The following ARMC3 variants were observed in gnomAD, a reference collection of about 807,000 sequenced individuals.
The protein encoded by ARMC3 is armadillo repeat-containing protein 3.
In ARMC3, 74 loss-of-function variants were observed where a neutral mutation model predicts 90.3. The ratio of observed to expected loss-of-function variants is 0.82; its 90% CI spans 0.68 to 0.99. ARMC3 has a LOEUF of 0.99. Among genes scored for constraint, ARMC3 ranks in the 50% least tolerant of loss-of-function variants. The pLI is 0.00. For missense variants in ARMC3, 958 were observed against 1,042.8 expected, an observed-to-expected ratio of 0.92 and a Z score of 1.12; for synonymous variants, 334 against 361.8, an observed-to-expected ratio of 0.92 and a Z score of 0.87.
Position 23,030,784 on chromosome 10 carries a change from A to T in ARMC3, c.2234A>T (p.Glu745Val). The change falls in exon 17 of 19, where the codon GAG (glutamate) becomes GTG (valine). Residue 745 changes from glutamate to valine, a missense_variant. Glu to Val is a moderately radical substitution (Grantham distance 121). Transcript: ENST00000298032. Reference protein sequence around the residue: ...LPITNIKEQIEDLAKYVAEKM... With the variant: ...LPITNIKEQIVDLAKYVAEKM... The stretch of plus-strand genomic sequence containing the variant: ...ATAACCAATATTAAGGAACAGATTG[A>T]GGATCTGGCAAAGTAAGTTGTCTAT... 6.2e-7 allele frequency: 1 copy of T among 1,613,492 alleles called. No individual in the cohort carries two copies. Among genetic ancestry groups the T allele is most frequent in the Non-Finnish European group, 8.5e-7 (1 of 1,179,632 alleles).
chr10:22,969,205 T>C (rs1252387880), intron 8 of ARMC3, among the ~76,000 whole-genome samples: 1 of 152,180 alleles, frequency 6.6e-6, no homozygotes, highest in Non-Finnish European at 1.5e-5. Flanking sequence ...TCATACTATA[T>C]ACATAATACA....
intron 10 of ARMC3, among the ~76,000 whole-genome samples, chr10:22,993,514 A>G (rs889509513): frequency 1.2e-4 from 18 of 152,186 alleles, no homozygotes; most frequent in African/African-American, 4.3e-4. Flanking sequence ...AAGCTGAGCT[A>G]AGCACTTTCC....
chr10:23,023,537 T>G (rs1838593852), intron 16 of ARMC3, among the ~76,000 whole-genome samples: 1 of 152,168 alleles, frequency 6.6e-6, no homozygotes, highest in Non-Finnish European at 1.5e-5. Context: ...GTTGTTGGAA[T>G]TATCTGACCT....
At chr10:22,995,106 T>A (rs977082693) in intron 10 of ARMC3, among the ~76,000 whole-genome samples, 1 of 152,234 alleles carries the variant, frequency 6.6e-6, no homozygotes, top group African/African-American at 2.4e-5. Context: ...TGCTATACTA[T>A]TTGGGAAACC....
chr10:22,933,518 C>T (rs1293461813), intron 2 of ARMC3, among the ~76,000 whole-genome samples: 2 of 152,134 alleles, frequency 1.3e-5, no homozygotes, highest in African/African-American at 4.8e-5. Flanking sequence ...AATAGAACTC[C>T]TGCTTCCTCA....
At chr10:23,028,347 A>T (rs1445503069) in intron 16 of ARMC3, among the ~76,000 whole-genome samples, 2 of 133,114 alleles carry the variant, frequency 1.5e-5, no homozygotes, top group Non-Finnish European at 3.4e-5. Flanking sequence ...TCTTCTATTT[A>T]TTTCTAAGAT....
In ARMC3 at chr10:22,946,253, C is replaced by T. The variant is rs1225054485; in HGVS notation, c.158C>T (p.Ala53Val). ...GCATGTGAAGCCATTTATAAATTTG[C>T]TTTAAAAGGTTTGGATTTTTTTCAG... The part of the protein sequence containing the change: ...AKACEAIYKF[A>V]LKGEENKTTL... Residue 53 changes from alanine to valine, a missense_variant, in exon 3 of 19, where the codon GCT (alanine) becomes GTT (valine). Coordinates refer to ENST00000298032, the MANE Select transcript of ARMC3 (RefSeq NM_173081.5). The T allele has an allele frequency of 3.8e-6, 6 of 1,598,298 alleles. 1 individual carries two copies. In the South Asian group the frequency reaches 4.5e-5, roughly 12 times the overall value.
chr10:22,938,993 T>C (rs1052090166), intron 2 of ARMC3, among the ~76,000 whole-genome samples: 1 of 152,206 alleles, frequency 6.6e-6, no homozygotes, highest in African/African-American at 2.4e-5. Flanking sequence ...TGTGACATGG[T>C]GCTCCCAGAT....
chr10:22,981,882 A>G (rs1836208438), intron 10 of ARMC3, among the ~76,000 whole-genome samples, 182 bp downstream of exon 10: 1 of 152,186 alleles, frequency 6.6e-6, no homozygotes, highest in Non-Finnish European at 1.5e-5. Context: ...TTCCAAAAAT[A>G]TTACAAAATC....
At chr10:23,018,784 A>G (rs914674143) in intron 16 of ARMC3, among the ~76,000 whole-genome samples, 42 of 152,052 alleles carry the variant, frequency 2.8e-4, no homozygotes, top group Non-Finnish European at 5.0e-4. Flanking sequence ...CCAAAGTGCT[A>G]GGATTACAGG....
At position 23,037,321 on chromosome 10, in the gene ARMC3, G is replaced by A. The variant is rs552203970; in HGVS notation, c.2461G>A (p.Gly821Ser). The A allele has an allele frequency of 1.8e-5, 29 of 1,613,596 alleles. No homozygotes were observed. The highest frequency in any genetic ancestry group is 4.4e-5 in the South Asian group (4 of 90,954). ...TTGCTCCCTAGTTCGCGGAGAGTAC[G>A]GTAGAGCGTGGAATGAAGTCATGCT... ...IGCSLVRGEY[G>S]RAWNEVMLQN... Residue 821 changes from glycine to serine, a missense_variant, in exon 19 of 19, where the codon GGT (glycine) becomes AGT (serine). Transcript: ENST00000298032.
chr10:23,031,139 A>T (rs937084547), intron 17 of ARMC3: 9 of 196,416 alleles, frequency 4.6e-5, no homozygotes, highest in Admixed American at 4.3e-4. Context: ...GGGTGTTCAT[A>T]AGTTAAAGGA....
At chr10:23,013,599 A>AT in intron 16 of ARMC3, among the ~76,000 whole-genome samples, 1 of 152,232 alleles carries the variant, frequency 6.6e-6, no homozygotes. Flanking sequence ...GTTCTCTTTC[A>AT]TTTTTTGTAG....
At chr10:22,968,626 C>G (rs2131291654) in intron 8 of ARMC3, 137 bp downstream of exon 8, 3 of 755,600 alleles carry the variant, frequency 4.0e-6, no homozygotes, top group East Asian at 5.9e-5. Context: ...CTCAGCCTTC[C>G]TAGTAGCTGG....
chr10:22,941,424 T>C (rs897109280), intron 2 of ARMC3, among the ~76,000 whole-genome samples: 4 of 152,124 alleles, frequency 2.6e-5, no homozygotes, highest in African/African-American at 9.7e-5. Context: ...AGAATTTAGT[T>C]GACAGGGAGG....
At chr10:23,009,622 C>T (rs1014610709) in intron 16 of ARMC3, among the ~76,000 whole-genome samples, 1 of 152,162 alleles carries the variant, frequency 6.6e-6, no homozygotes, top group African/African-American at 2.4e-5. Flanking sequence ...CTTCAACCTC[C>T]TAAGTAGCTA....
At chr10:23,026,099 A>T (rs1838707393) in intron 16 of ARMC3, among the ~76,000 whole-genome samples, 1 of 152,142 alleles carries the variant, frequency 6.6e-6, no homozygotes, top group South Asian at 2.1e-4. Flanking sequence ...TTTTTTTCCA[A>T]AAAGAAATCT....
rs1425398549 is a variant in ARMC3, at chr10:23,021,666, C to A, written c.2046-8930C>A. 2.2e-4 allele frequency among the ~76,000 whole-genome samples: 34 copies of A among 151,944 alleles called. 2 individuals carry two copies. Among genetic ancestry groups the A allele is most frequent in the Admixed American group, 2.2e-3 (34 of 15,258 alleles). ...GTCCTTTGCCCATTTTTAATGGGGT[C>A]ATTCATTTTTTGCTTGTTGAATTGT... On this transcript the variant is annotated intron_variant, in intron 16 of 18. Transcript: ENST00000298032.
rs182830889 is a variant in ARMC3, at chr10:22,946,679, T to C, written c.166+418T>C. 21 of 152,972 alleles carry C rather than the reference T, an allele frequency of 1.4e-4. No individual in the cohort carries two copies. The East Asian group carries it at 4.0e-3, about 29-fold the overall frequency. 9.5% of individuals were successfully genotyped at this position (152,972 alleles called of 1,614,324 possible). ...AATGGAAGAGAAGAGACAAATCTCC[T>C]ATGCAGAAGAATTCCTAATAGTTTA... On this transcript the variant is annotated intron_variant, in intron 3 of 18. Transcript: ENST00000298032.
Sources: allele counts gnomAD v4.1 joint callset (sites outside exome capture counted in the v4.1 genomes callset), GRCh38; gene constraint gnomAD v4.1.1; transcripts MANE v1.5; gene names NCBI Gene and HGNC (gene_info 2026-07-23, HGNC 2026-07-21).